Variants in ARHGAP26 observed in about 807,000 individuals in gnomAD.
ARHGAP26 encodes the protein Rho GTPase activating protein 26, also known as rho GTPase-activating protein 26.
Under a neutral mutation model 104.8 loss-of-function variants are expected in ARHGAP26, and 38 were observed. The observed-to-expected ratio is 0.36, with a 90% confidence interval of 0.28 to 0.48. ARHGAP26 has a LOEUF of 0.48. Ranked by LOEUF, ARHGAP26 falls within the 20% of genes least tolerant of loss-of-function variation. ARHGAP26 has a pLI of 0.99. For synonymous variants in ARHGAP26, 341 were observed against 340.0 expected, an observed-to-expected ratio of 1.00 and a Z score of -0.03; for missense variants, 704 against 947.9, an observed-to-expected ratio of 0.74 and a Z score of 3.38.
At chr5:142,861,390 A>G (rs1358384346) in intron 1 of ARHGAP26, among the ~76,000 whole-genome samples, 1 of 150,264 alleles carries the variant, frequency 6.7e-6, no homozygotes, top group Non-Finnish European at 1.5e-5. Context: ...CATGAATTTC[A>G]TCCAGGGGGA....
intron 10 of ARHGAP26, among the ~76,000 whole-genome samples, chr5:142,913,934 C>T (rs902059182): frequency 1.3e-5 from 2 of 152,150 alleles, no homozygotes; most frequent in Non-Finnish European, 2.9e-5. Context: ...CTTTGAGACA[C>T]TTTACTTGGC....
intron 1 of ARHGAP26, among the ~76,000 whole-genome samples, chr5:142,852,775 G>T (rs1429624947): frequency 6.6e-6 from 1 of 152,212 alleles, no homozygotes; most frequent in Non-Finnish European, 1.5e-5. Context: ...ATCTCACTCA[G>T]TAAGTTGGTG....
At chr5:142,827,348 C>T (rs540545475) in intron 1 of ARHGAP26, among the ~76,000 whole-genome samples, 1 of 152,200 alleles carries the variant, frequency 6.6e-6, no homozygotes, top group South Asian at 2.1e-4. Context: ...GGCTCAGGTC[C>T]TGGCTCCACT....
intron 20 of ARHGAP26, among the ~76,000 whole-genome samples, chr5:143,157,172 CTTTT>C (rs56740224): frequency 0.25 from 34,855 of 141,234 alleles, 4,925 homozygotes; most frequent in East Asian, 0.56. Flanking sequence ...CACATTCTTT[CTTTT>C]TTTTTTTTTT....
intron 17 of ARHGAP26, among the ~76,000 whole-genome samples, chr5:143,082,631 T>C (rs1312995191): frequency 6.6e-6 from 1 of 152,234 alleles, no homozygotes; most frequent in African/African-American, 2.4e-5. Context: ...TCAAGAATTG[T>C]ATTCATGTTT....
At chr5:143,135,462 A>G (rs1418385966) in intron 19 of ARHGAP26, among the ~76,000 whole-genome samples, 1 of 152,152 alleles carries the variant, frequency 6.6e-6, no homozygotes, top group Non-Finnish European at 1.5e-5. Flanking sequence ...TTTGCCTTGA[A>G]GAGGAGAGGC....
intron 20 of ARHGAP26, chr5:143,166,218 C>T (rs1051103051): frequency 4.9e-6 from 3 of 615,148 alleles, no homozygotes; most frequent in East Asian, 9.2e-5. Flanking sequence ...CACAAAAGCT[C>T]TCTGAGTAGC....
intron 11 of ARHGAP26, among the ~76,000 whole-genome samples, chr5:142,981,278 G>A (rs1367718476): frequency 2.0e-5 from 3 of 152,136 alleles, no homozygotes; most frequent in Non-Finnish European, 2.9e-5. Context: ...TTCCTAAACC[G>A]TAAAATGGGG....
intron 12 of ARHGAP26, 43 bp from the exon 13 acceptor site, chr5:143,037,153 T>G: frequency 6.4e-7 from 1 of 1,554,832 alleles, no homozygotes; most frequent in Non-Finnish European, 8.8e-7. Context: ...TGAGGTTGAT[T>G]TCCATGGCTA....
chr5:142,913,685 A>T (rs889186237), intron 10 of ARHGAP26, among the ~76,000 whole-genome samples: 2 of 152,186 alleles, frequency 1.3e-5, no homozygotes, highest in African/African-American at 2.4e-5. Context: ...TAACTGAAAA[A>T]GTTAGTATAA....
intron 14 of ARHGAP26, among the ~76,000 whole-genome samples, chr5:143,051,463 A>T (rs1258003105): frequency 6.6e-6 from 1 of 152,224 alleles, no homozygotes; most frequent in Non-Finnish European, 1.5e-5. Context: ...GACATGGTGG[A>T]GAGAAGTGTA....
chr5:142,865,234 C>G (rs1754053119), intron 1 of ARHGAP26, among the ~76,000 whole-genome samples: 1 of 152,158 alleles, frequency 6.6e-6, no homozygotes, highest in African/African-American at 2.4e-5. Flanking sequence ...ACTCACTTGA[C>G]ACAGCGGTCA....
chr5:143,048,192 A>AC (rs2150198453), intron 14 of ARHGAP26, among the ~76,000 whole-genome samples: 1 of 152,160 alleles, frequency 6.6e-6, no homozygotes, highest in African/African-American at 2.4e-5. Flanking sequence ...AGATCTATAG[A>AC]CTATATTTTC....
At chr5:142,931,999 T>C in intron 10 of ARHGAP26, 48 bp from the exon 11 acceptor site, 3 of 1,560,412 alleles carry the variant, frequency 1.9e-6, no homozygotes, top group Non-Finnish European at 1.8e-6. Context: ...CACCAATCTC[T>C]CTACATGTGG....
chr5:143,212,137 T>C (rs1809564210), intron 21 of ARHGAP26, among the ~76,000 whole-genome samples: 1 of 152,162 alleles, frequency 6.6e-6, no homozygotes, highest in Non-Finnish European at 1.5e-5. Context: ...CCTGGTCTCT[T>C]TGCTTTTTAC....
chr5:143,182,838 A>G (rs1804581197), intron 20 of ARHGAP26, among the ~76,000 whole-genome samples: 1 of 152,214 alleles, frequency 6.6e-6, no homozygotes, highest in African/African-American at 2.4e-5. Flanking sequence ...AGTCATCTCC[A>G]TAAATCCTGT....
chr5:142,856,839 TTTG>T (rs748577766), intron 1 of ARHGAP26, among the ~76,000 whole-genome samples: 3 of 152,200 alleles, frequency 2.0e-5, no homozygotes, highest in Non-Finnish European at 4.4e-5. Context: ...ATCCATGGAT[TTTG>T]TTATCTGTGG....
intron 1 of ARHGAP26, among the ~76,000 whole-genome samples, chr5:142,833,220 A>ATT (rs779035161): frequency 6.0e-5 from 8 of 133,472 alleles, no homozygotes; most frequent in African/African-American, 8.1e-5. Flanking sequence ...CACCCGGCTA[A>ATT]TTTTTTTTTT....
At position 143,014,091 on chromosome 5, in the gene ARHGAP26, G is replaced by T. The variant is rs1779255284; in HGVS notation, c.1119G>T (p.Ser373=). ...AMDGREPVYN[S]NKDSQSEGTA... is the part of the protein sequence containing the mutation. The stretch of plus-strand genomic sequence containing the variant: ...TTTTTATTTTCCAGGTCTACAACTC[G>T]AACAAAGACAGCCAGAGTGAAGGGA... The change falls in exon 12 of 23, where the codon TCG becomes TCT. Residue 373 remains serine (S), a synonymous_variant. Coordinates refer to ENST00000645722, the MANE Select transcript of ARHGAP26 (RefSeq NM_001135608.3). 2 of 1,613,964 alleles carry T rather than the reference G, an allele frequency of 1.2e-6. No individual in the cohort carries two copies. The highest frequency in any genetic ancestry group is 1.7e-5 in the Admixed American group (1 of 60,004).
Sources: allele counts gnomAD v4.1 joint callset (sites outside exome capture counted in the v4.1 genomes callset), GRCh38; gene constraint gnomAD v4.1.1; transcripts MANE v1.5; gene names NCBI Gene and HGNC (gene_info 2026-07-23, HGNC 2026-07-21).